NPAS3: variants seen among roughly 807,000 people sequenced by gnomAD.
NPAS3 encodes the protein neuronal PAS domain-containing protein 3.
In NPAS3, 14 loss-of-function variants were observed where a neutral mutation model predicts 73.1. The observed-to-expected ratio is 0.19, with a 90% CI of 0.13 to 0.30. The LOEUF (loss-of-function observed/expected upper bound fraction) is 0.30. Among genes scored for constraint, NPAS3 ranks in the 10% least tolerant of loss-of-function variants. NPAS3 has a pLI of 1.00. For missense variants in NPAS3, 1,096 were observed against 1,250.0 expected, an observed-to-expected ratio of 0.88 and a Z score of 1.86; for synonymous variants, 620 against 541.5, an observed-to-expected ratio of 1.14 and a Z score of -2.01.
chr14:33,656,055 C>G (rs1162202075), intron 5 of NPAS3, among the ~76,000 whole-genome samples: 1 of 152,140 alleles, frequency 6.6e-6, no homozygotes, highest in Non-Finnish European at 1.5e-5. Flanking sequence ...GTCTCTATTC[C>G]TACTGCTGTG....
At chr14:33,463,762 A>C (rs1462879447) in intron 4 of NPAS3, among the ~76,000 whole-genome samples, 1 of 152,228 alleles carries the variant, frequency 6.6e-6, no homozygotes, top group Non-Finnish European at 1.5e-5. Context: ...AAGACATCAC[A>C]GTGGAATAAT....
chr14:33,187,034 A>G (rs1320202896), intron 2 of NPAS3, among the ~76,000 whole-genome samples: 1 of 152,210 alleles, frequency 6.6e-6, no homozygotes, highest in East Asian at 1.9e-4. Context: ...CTAAACCAGC[A>G]TCCTGGATTT....
intron 2 of NPAS3, among the ~76,000 whole-genome samples, chr14:33,065,234 G>A (rs974817608): frequency 4.6e-5 from 7 of 152,148 alleles, no homozygotes; most frequent in Non-Finnish European, 7.4e-5. Flanking sequence ...ATAGAACGAA[G>A]CTAGTGGTGA....
At chr14:33,138,719 G>A (rs941402674) in intron 2 of NPAS3, among the ~76,000 whole-genome samples, 11 of 152,166 alleles carry the variant, frequency 7.2e-5, no homozygotes, top group Admixed American at 2.0e-4. Flanking sequence ...TCTCATGTGT[G>A]CTGTAAACAT....
At chr14:33,601,133 A>C (rs1267197515) in intron 5 of NPAS3, among the ~76,000 whole-genome samples, 1 of 152,148 alleles carries the variant, frequency 6.6e-6, no homozygotes, top group South Asian at 2.1e-4. Context: ...AGAAACAGAC[A>C]GACTATCCAT....
At chr14:33,005,374 T>C (rs1209700434) in intron 1 of NPAS3, among the ~76,000 whole-genome samples, 2 of 152,200 alleles carry the variant, frequency 1.3e-5, no homozygotes, top group Non-Finnish European at 2.9e-5. Flanking sequence ...CAGTGGCACA[T>C]GACTATATTG....
At chr14:33,173,436 A>G (rs1390013182) in intron 2 of NPAS3, among the ~76,000 whole-genome samples, 1 of 152,216 alleles carries the variant, frequency 6.6e-6, no homozygotes, top group Non-Finnish European at 1.5e-5. Context: ...TCTGAATTAT[A>G]TATAGCAGAG....
At chr14:33,691,746 G>GT (rs1208264617) in intron 6 of NPAS3, among the ~76,000 whole-genome samples, 1 of 152,100 alleles carries the variant, frequency 6.6e-6, no homozygotes, top group African/African-American at 2.4e-5. Flanking sequence ...TTTTCCACTG[G>GT]CTTCCTTGGG....
chr14:33,250,199 T>G (rs1209636626), intron 3 of NPAS3, among the ~76,000 whole-genome samples: 1 of 152,088 alleles, frequency 6.6e-6, no homozygotes, highest in African/African-American at 2.4e-5. Flanking sequence ...CTTAACAGCT[T>G]TTGGAACCTA....
chr14:33,343,192 G>A (rs2044566703), intron 3 of NPAS3, among the ~76,000 whole-genome samples: 1 of 152,100 alleles, frequency 6.6e-6, no homozygotes. Flanking sequence ...GTTTTGTGGG[G>A]TGATTTCGCA....
intron 9 of NPAS3, among the ~76,000 whole-genome samples, chr14:33,784,566 G>C: frequency 6.6e-6 from 1 of 152,080 alleles, no homozygotes; most frequent in East Asian, 1.9e-4. Context: ...GAGCATAGGA[G>C]AGACATAGAA....
intron 5 of NPAS3, among the ~76,000 whole-genome samples, chr14:33,585,628 A>G (rs1156917599): frequency 1.3e-5 from 2 of 152,228 alleles, no homozygotes; most frequent in Non-Finnish European, 2.9e-5. Flanking sequence ...AAACAAACCA[A>G]ATCAGAGATA....
At chr14:33,205,904 G>A (rs2046804066) in intron 2 of NPAS3, among the ~76,000 whole-genome samples, 1 of 152,056 alleles carries the variant, frequency 6.6e-6, no homozygotes, top group Non-Finnish European at 1.5e-5. Context: ...TCACACTTAA[G>A]GAAAATTAAA....
At chr14:33,732,232 C>T (rs1228848405) in intron 6 of NPAS3, among the ~76,000 whole-genome samples, 6 of 152,166 alleles carry the variant, frequency 3.9e-5, no homozygotes, top group South Asian at 2.1e-4. Flanking sequence ...CGCATGTGCA[C>T]GCACACACAC....
chr14:33,418,650 A>G (rs74042079), intron 4 of NPAS3, among the ~76,000 whole-genome samples: 19,537 of 147,890 alleles, frequency 0.13, 1,917 homozygotes, highest in East Asian at 0.4. Flanking sequence ...TATTTAGAAT[A>G]TCCTCCATTT....
At chr14:33,377,402 C>A (rs998898767) in intron 4 of NPAS3, among the ~76,000 whole-genome samples, 1 of 152,220 alleles carries the variant, frequency 6.6e-6, no homozygotes, top group Non-Finnish European at 1.5e-5. Context: ...TCCAGAAGAG[C>A]TAGAAGGTAG....
chr14:33,706,864 A>C (rs1242460698), intron 6 of NPAS3, among the ~76,000 whole-genome samples: 3 of 152,174 alleles, frequency 2.0e-5, no homozygotes, highest in African/African-American at 7.2e-5. Context: ...TTTCAGCCTA[A>C]CCTCAAAGAA....
chr14:33,511,146 G>A (rs966206594), intron 4 of NPAS3, among the ~76,000 whole-genome samples: 1 of 152,022 alleles, frequency 6.6e-6, no homozygotes, highest in Non-Finnish European at 1.5e-5. Flanking sequence ...TGTGTTGGGG[G>A]AAATCCTCTG....
chr14:33,657,569 T>C (rs2059179890), intron 5 of NPAS3, among the ~76,000 whole-genome samples: 1 of 152,124 alleles, frequency 6.6e-6, no homozygotes, highest in Admixed American at 6.6e-5. Flanking sequence ...GAAAATTGAT[T>C]AGAGAAAGTT....
Sources: gnomAD v4.1 joint callset for allele counts (sites outside exome capture counted in the v4.1 genomes callset) on GRCh38, gnomAD v4.1.1 for gene constraint, MANE v1.5 for transcripts, NCBI Gene and HGNC (gene_info 2026-07-23, HGNC 2026-07-21) for gene names.